DGKB: variants seen among roughly 807,000 people sequenced by gnomAD.
The protein encoded by DGKB is 90 kDa diacylglycerol kinase.
In DGKB, 67 loss-of-function variants were observed where a neutral mutation model predicts 114.3. The ratio of observed to expected loss-of-function variants is 0.59; its 90% CI spans 0.48 to 0.72. DGKB has a LOEUF of 0.72. Among genes scored for constraint, DGKB ranks in the 30% least tolerant of loss-of-function variants. The probability of loss-of-function intolerance (pLI) is 0.00; values close to 1 mark genes in which losing one functional copy is unlikely to be tolerated. For synonymous variants in DGKB, 398 were observed against 323.1 expected (o/e 1.23, Z -2.49); for missense variants, 907 against 975.2 (o/e 0.93, Z 0.93).
At chr7:14,670,389 G>A (rs969820041) in intron 13 of DGKB, among the ~76,000 whole-genome samples, 5 of 151,396 alleles carry the variant, frequency 3.3e-5, no homozygotes, top group East Asian at 1.9e-4. Flanking sequence ...TGCAACCTCC[G>A]CCTCCAGGGT....
intron 23 of DGKB, among the ~76,000 whole-genome samples, chr7:14,192,576 A>G (rs1192881528): frequency 1.3e-5 from 2 of 152,138 alleles, no homozygotes; most frequent in African/African-American, 4.8e-5. Flanking sequence ...CAAAATAACT[A>G]TAATATTCTT....
In DGKB at chr7:14,440,424, A is replaced by G. The variant is rs1019586040; in HGVS notation, c.1835+37737T>C. On this transcript the variant is annotated intron_variant, in intron 21 of 25. Coordinates refer to ENST00000402815, the MANE Select transcript of DGKB (RefSeq NM_001350709.2). ...ATACTGAGTTGATCACGACTCACTC[A>G]TGTAGCCTCCAGTGATATACTGAGT... 1.2e-4 allele frequency among the ~76,000 whole-genome samples: 18 copies of G among 152,074 alleles called. 1 individual carries two copies. Among genetic ancestry groups the G allele is most frequent in the Admixed American group, 1.2e-3 (18 of 15,258 alleles).
At chr7:14,517,926 A>G (rs2128557433) in intron 20 of DGKB, among the ~76,000 whole-genome samples, 1 of 152,340 alleles carries the variant, frequency 6.6e-6, no homozygotes, top group South Asian at 2.1e-4. Context: ...AACTTAAAGC[A>G]GAATTATCAC....
At chr7:14,782,208 T>C (rs1156893452) in intron 2 of DGKB, among the ~76,000 whole-genome samples, 1 of 152,084 alleles carries the variant, frequency 6.6e-6, no homozygotes, top group Non-Finnish European at 1.5e-5. Flanking sequence ...GTATTTTCAG[T>C]ACAGAATGGG....
intron 21 of DGKB, among the ~76,000 whole-genome samples, chr7:14,469,704 G>T (rs1780989306): frequency 6.6e-6 from 1 of 151,964 alleles, no homozygotes; most frequent in Non-Finnish European, 1.5e-5. Flanking sequence ...TACCTGCTCA[G>T]ATCCAACAAA....
At chr7:14,897,339 C>G (rs1449808940) in intron 1 of DGKB, among the ~76,000 whole-genome samples, 1 of 151,852 alleles carries the variant, frequency 6.6e-6, no homozygotes, top group African/African-American at 2.4e-5. Flanking sequence ...AATTTCCCAC[C>G]ATCAACCATC....
At chr7:14,328,795 T>C (rs1809201180) in intron 23 of DGKB, among the ~76,000 whole-genome samples, 1 of 152,040 alleles carries the variant, frequency 6.6e-6, no homozygotes, top group South Asian at 2.1e-4. Flanking sequence ...AGATTTGTAA[T>C]CTTACTGCAA....
chr7:14,909,012 T>C (rs1316318066), intron 1 of DGKB, among the ~76,000 whole-genome samples: 2 of 150,714 alleles, frequency 1.3e-5, no homozygotes, highest in Admixed American at 6.6e-5. Flanking sequence ...AGTCTATGAC[T>C]GGCTGGAAGA....
At position 14,148,866 on chromosome 7, in the gene DGKB, A is replaced by G; in HGVS notation, c.*265T>C. The G allele has an allele frequency of 2.2e-6, 1 of 450,574 alleles. No homozygotes were observed. The highest frequency in any genetic ancestry group is 4.3e-5 in the East Asian group (1 of 23,492). 27.9% of individuals were successfully genotyped at this position (450,574 alleles called of 1,614,324 possible). On this transcript the variant is annotated 3_prime_UTR_variant, in exon 26 of 26. Coordinates refer to ENST00000402815, the MANE Select transcript of DGKB (RefSeq NM_001350709.2). ...TGGGGAAGAGTTGGGTGGGAGATGT[A>G]AAAATCTATGGGAATGCATGCACCA...
intron 1 of DGKB, among the ~76,000 whole-genome samples, chr7:14,952,459 T>A (rs890692857): frequency 9.2e-5 from 14 of 152,022 alleles, no homozygotes; most frequent in African/African-American, 2.7e-4. Flanking sequence ...GAAGTTTGGC[T>A]GGATTCTCTG....
chr7:14,181,326 G>C (rs1782609450), intron 23 of DGKB, among the ~76,000 whole-genome samples: 1 of 152,158 alleles, frequency 6.6e-6, no homozygotes, highest in Admixed American at 6.5e-5. Flanking sequence ...TAGTACTGCA[G>C]CTATAAATGC....
chr7:14,187,821 C>T (rs781348856), intron 23 of DGKB, among the ~76,000 whole-genome samples: 6 of 151,782 alleles, frequency 4.0e-5, no homozygotes, highest in Non-Finnish European at 7.4e-5. Flanking sequence ...AACATGGCAC[C>T]CACAAAATGT....
At chr7:14,634,579 G>A (rs1810383574) in intron 13 of DGKB, among the ~76,000 whole-genome samples, 1 of 151,100 alleles carries the variant, frequency 6.6e-6, no homozygotes, top group African/African-American at 2.4e-5. Context: ...AACTTCCAGT[G>A]TAGTAGTTAA....
At chr7:14,929,262 T>C (rs1784888053) in intron 1 of DGKB, among the ~76,000 whole-genome samples, 1 of 152,040 alleles carries the variant, frequency 6.6e-6, no homozygotes, top group Non-Finnish European at 1.5e-5. Context: ...AGTGGGATTG[T>C]TGAATAAATT....
intron 20 of DGKB, among the ~76,000 whole-genome samples, chr7:14,519,294 T>C (rs1315618249): frequency 2.0e-5 from 3 of 152,068 alleles, no homozygotes; most frequent in African/African-American, 7.2e-5. Context: ...ATATAAATTT[T>C]TTTCTGTATA....
At chr7:14,192,100 A>C in intron 23 of DGKB, 1 of 402,888 alleles carries the variant, frequency 2.5e-6, no homozygotes, top group South Asian at 1.9e-5. Context: ...AAGGCTGCTG[A>C]TGGTGGAAAG....
At position 14,819,180 on chromosome 7, in the gene DGKB, AG is replaced by A. The variant is rs148526246; in HGVS notation, c.70+22013del. 6.5e-3 allele frequency among the ~76,000 whole-genome samples: 990 copies of A among 152,204 alleles called. 17 individuals are homozygous for A. Among genetic ancestry groups the A allele is most frequent in the African/African-American group, 0.023 (950 of 41,518 alleles). ...TTCATCTAATACATACAGAGTACCTAGTGTGTATAACCCTGCTGGATAATTG... is the reference window on the plus strand; with the variant it reads ...TTCATCTAATACATACAGAGTACCTATGTGTATAACCCTGCTGGATAATTG... On this transcript the variant is annotated intron_variant, in intron 2 of 25. Coordinates refer to ENST00000402815, the MANE Select transcript of DGKB (RefSeq NM_001350709.2).
At chr7:14,184,795 G>A (rs1476916550) in intron 23 of DGKB, among the ~76,000 whole-genome samples, 1 of 152,002 alleles carries the variant, frequency 6.6e-6, no homozygotes, top group Non-Finnish European at 1.5e-5. Context: ...GGCAGGAGGT[G>A]CAAAAAAAGC....
chr7:14,266,977 T>A (rs1259744767), intron 23 of DGKB, among the ~76,000 whole-genome samples: 1 of 145,248 alleles, frequency 6.9e-6, no homozygotes, highest in Non-Finnish European at 1.5e-5. Context: ...TAAAGCCAAT[T>A]TGTTTTGTAA....
Sources: gnomAD v4.1 joint callset for allele counts (sites outside exome capture counted in the v4.1 genomes callset) on GRCh38, gnomAD v4.1.1 for gene constraint, MANE v1.5 for transcripts, NCBI Gene and HGNC (gene_info 2026-07-23, HGNC 2026-07-21) for gene names.